The following OXR1 variants were observed in gnomAD, a reference collection of about 807,000 sequenced individuals.
The protein encoded by OXR1 is oxidation resistance 1.
In OXR1, 41 loss-of-function variants were observed where a neutral mutation model predicts 104.6. That is an observed-to-expected ratio of 0.39 (90% CI 0.31 to 0.51). The LOEUF (loss-of-function observed/expected upper bound fraction) is 0.51, where lower values mean the gene tolerates loss of function less well. Among genes scored for constraint, OXR1 ranks in the 20% least tolerant of loss-of-function variants. OXR1 has a pLI of 0.77. For synonymous variants in OXR1, 348 were observed against 348.4 expected (o/e 1.00, Z 0.01); for missense variants, 955 against 1,031.9 (o/e 0.93, Z 1.02).
At chr8:106,617,424 A>T (rs1007712921) in intron 3 of OXR1, among the ~76,000 whole-genome samples, 3 of 151,896 alleles carry the variant, frequency 2.0e-5, no homozygotes, top group Admixed American at 1.3e-4. Context: ...GCAAGGCTCC[A>T]TCTCAAAAAA....
At chr8:106,334,994 T>C (rs1814896250) in intron 1 of OXR1, among the ~76,000 whole-genome samples, 1 of 151,536 alleles carries the variant, frequency 6.6e-6, no homozygotes, top group African/African-American at 2.4e-5. Flanking sequence ...CTTCTTCTGA[T>C]GGTCTACCCT....
At chr8:106,494,138 T>TTA (rs1177782249) in intron 2 of OXR1, among the ~76,000 whole-genome samples, 1 of 152,178 alleles carries the variant, frequency 6.6e-6, no homozygotes, top group Non-Finnish European at 1.5e-5. Context: ...TAAGAGAACA[T>TTA]GCTGCAGTTC....
At chr8:106,473,967 T>C (rs1027490651) in intron 2 of OXR1, among the ~76,000 whole-genome samples, 8 of 145,524 alleles carry the variant, frequency 5.5e-5, no homozygotes, top group Admixed American at 3.5e-4. Flanking sequence ...ATGAATCTAG[T>C]TATATATTAT....
rs368429810 is a variant in OXR1, at chr8:106,289,642, C to G, written c.-139+19275C>G. On this transcript the variant is annotated intron_variant, in intron 1 of 16. Transcript: ENST00000517566. ...CTATCAAACCATCAATGTAATTCTTCCCAGAATTAGATCACACTACCTGAT... is the reference window on the plus strand; with the variant it reads ...CTATCAAACCATCAATGTAATTCTTGCCAGAATTAGATCACACTACCTGAT... Among the ~76,000 whole-genome samples the G allele has an allele frequency of 2.6e-5, 4 of 152,214 alleles. No individual in the cohort carries two copies. In the East Asian group the frequency reaches 5.8e-4, roughly 22 times the overall value.
intron 3 of OXR1, among the ~76,000 whole-genome samples, chr8:106,554,805 A>C (rs2130444221): frequency 6.6e-6 from 1 of 152,270 alleles, no homozygotes; most frequent in African/African-American, 2.4e-5. Flanking sequence ...AGCAGGGAAG[A>C]TTTTTTAATA....
chr8:106,353,340 G>T (rs1815816620), intron 1 of OXR1, among the ~76,000 whole-genome samples: 1 of 151,084 alleles, frequency 6.6e-6, no homozygotes, highest in South Asian at 2.1e-4. Context: ...CTCCAGCCTG[G>T]GTGACGGAGT....
chr8:106,285,591 A>G (rs979338026), intron 1 of OXR1, among the ~76,000 whole-genome samples: 29 of 151,768 alleles, frequency 1.9e-4, no homozygotes, highest in African/African-American at 7.0e-4. Context: ...GCTGGCCTCC[A>G]CCTGCACTTG....
At position 106,582,931 on chromosome 8, in the gene OXR1, C is replaced by T. The variant is rs189477067; in HGVS notation, c.220+63792C>T. Among the ~76,000 whole-genome samples the T allele has an allele frequency of 2.6e-5, 4 of 152,284 alleles. No individual in the cohort carries two copies. The East Asian group carries it at 7.7e-4, about 29-fold the overall frequency. ...TGGCACCCTCCCCACAGTGTTCAGC[C>T]TTGGGGTTCTCAGCCAAAACTAAAA... On this transcript the variant is annotated intron_variant, in intron 3 of 16. Transcript: ENST00000517566.
intron 3 of OXR1, among the ~76,000 whole-genome samples, chr8:106,601,482 C>T (rs1346636897): frequency 6.6e-6 from 1 of 152,174 alleles, no homozygotes; most frequent in Non-Finnish European, 1.5e-5. Context: ...TGGAGAGAGC[C>T]CGGGCCCTTC....
chr8:106,288,390 C>T (rs1812586414), intron 1 of OXR1, among the ~76,000 whole-genome samples: 1 of 151,978 alleles, frequency 6.6e-6, no homozygotes, highest in Non-Finnish European at 1.5e-5. Context: ...AGAGGAGCAA[C>T]ATCAGGGCAA....
rs557763825 is a variant in OXR1 at position 106,751,751 on chromosome 8, A to G, written c.*810A>G. ...AGGCATTAACATAAGTACAAAAACTATGAAACAGATGCATATTTCCTCAAC... is the reference window on the plus strand; with the variant it reads ...AGGCATTAACATAAGTACAAAAACTGTGAAACAGATGCATATTTCCTCAAC... On this transcript the variant is annotated 3_prime_UTR_variant, in exon 17 of 17. Coordinates refer to ENST00000517566, the MANE Select transcript of OXR1 (RefSeq NM_001198533.2). The G allele has an allele frequency of 6.5e-6, 1 of 152,684 alleles. No individual in the cohort carries two copies. Among genetic ancestry groups the G allele is most frequent in the East Asian group, 1.9e-4 (1 of 5,182 alleles). The allele number at this position is 152,684 out of a possible 1,614,324, so 9.5% of individuals were successfully genotyped here.
At chr8:106,699,737 G>C (rs1830420461) in intron 7 of OXR1, among the ~76,000 whole-genome samples, 1 of 152,150 alleles carries the variant, frequency 6.6e-6, no homozygotes, top group African/African-American at 2.4e-5. Flanking sequence ...CTTGTTATAG[G>C]CTGGCTCTGT....
intron 1 of OXR1, among the ~76,000 whole-genome samples, chr8:106,326,555 A>G (rs1234020186): frequency 1.3e-5 from 2 of 152,234 alleles, no homozygotes; most frequent in Non-Finnish European, 2.9e-5. Flanking sequence ...TCAGCCAGAG[A>G]TGTTTCAGCT....
At chr8:106,532,680 A>AC (rs1250963493) in intron 3 of OXR1, among the ~76,000 whole-genome samples, 1 of 152,242 alleles carries the variant, frequency 6.6e-6, no homozygotes, top group Non-Finnish European at 1.5e-5. Flanking sequence ...AGCTAGAAAT[A>AC]AGTAAGAGGA....
intron 3 of OXR1, among the ~76,000 whole-genome samples, chr8:106,595,162 C>T (rs1356979040): frequency 6.6e-6 from 1 of 152,210 alleles, no homozygotes; most frequent in Non-Finnish European, 1.5e-5. Context: ...TCTCTAGACT[C>T]TGAGAAAGAA....
At chr8:106,484,462 T>A (rs911162224) in intron 2 of OXR1, among the ~76,000 whole-genome samples, 2 of 151,958 alleles carry the variant, frequency 1.3e-5, no homozygotes, top group Admixed American at 6.6e-5. Context: ...TAAAATCTTT[T>A]AAGAAAGCAA....
chr8:106,703,405 T>TG (rs1407636166), intron 8 of OXR1, among the ~76,000 whole-genome samples: 3 of 152,188 alleles, frequency 2.0e-5, no homozygotes. Context: ...ATTACCCCTG[T>TG]GAGCAATCAC....
intron 1 of OXR1, among the ~76,000 whole-genome samples, chr8:106,342,526 A>G (rs1815300142): frequency 6.6e-6 from 1 of 152,076 alleles, no homozygotes; most frequent in African/African-American, 2.4e-5. Flanking sequence ...AAGTGCTAGG[A>G]TTATAGGCAT....
chr8:106,744,955 G>C (rs955832570), intron 15 of OXR1, among the ~76,000 whole-genome samples: 3 of 152,106 alleles, frequency 2.0e-5, no homozygotes, highest in Non-Finnish European at 4.4e-5. Flanking sequence ...TCAACTGATA[G>C]CAACAGCTAC....
Sources: allele counts gnomAD v4.1 joint callset (sites outside exome capture counted in the v4.1 genomes callset), GRCh38; gene constraint gnomAD v4.1.1; transcripts MANE v1.5; gene names NCBI Gene and HGNC (gene_info 2026-07-23, HGNC 2026-07-21).